Variants in TBC1D30 observed in about 807,000 individuals in gnomAD.
The protein encoded by TBC1D30 is TBC1 domain family member 30.
In TBC1D30, 31 loss-of-function variants were observed where a neutral mutation model predicts 63.2. That is an observed-to-expected ratio of 0.49 (90% CI 0.37 to 0.66). The LOEUF is 0.66. Ranked by LOEUF, TBC1D30 falls within the 30% of genes least tolerant of loss-of-function variation. The probability of loss-of-function intolerance (pLI) is 0.00; values close to 1 mark genes in which losing one functional copy is unlikely to be tolerated. For synonymous variants in TBC1D30, 307 were observed against 361.5 expected (o/e 0.85, Z 1.71); for missense variants, 810 against 953.6 (o/e 0.85, Z 1.98).
At chr12:64,850,665 A>G (rs960616361) in intron 8 of TBC1D30, among the ~76,000 whole-genome samples, 2 of 152,072 alleles carry the variant, frequency 1.3e-5, no homozygotes, top group Admixed American at 1.3e-4. Context: ...GTGCTGCTGG[A>G]TTTGGTTTGC....
chr12:64,829,473 G>C (rs1326359253), intron 3 of TBC1D30, among the ~76,000 whole-genome samples: 1 of 152,110 alleles, frequency 6.6e-6, no homozygotes, highest in Non-Finnish European at 1.5e-5. Context: ...TGTTTACTCA[G>C]ATGGGAGGAG....
At chr12:64,830,596 T>G in intron 4 of TBC1D30, 94 bp downstream of exon 4, 4 of 1,186,298 alleles carry the variant, frequency 3.4e-6, no homozygotes, top group East Asian at 2.7e-5. Context: ...GATCTCTACC[T>G]TCTGGTTTGA....
chr12:64,823,415 TTG>T (rs1228196467), upstream of TBC1D30, among the ~76,000 whole-genome samples: 1 of 152,212 alleles, frequency 6.6e-6, no homozygotes, highest in Non-Finnish European at 1.5e-5. Context: ...TTAGGTTGAT[TTG>T]TTTCCATTAA....
chr12:64,767,662 C>G (rs890211862), intron 1 of TBC1D30, among the ~76,000 whole-genome samples: 5 of 151,808 alleles, frequency 3.3e-5, no homozygotes, highest in African/African-American at 1.2e-4. Context: ...CTGACAAATC[C>G]AGACTGCCCA....
At position 64,876,265 on chromosome 12, in the gene TBC1D30, T is replaced by C. The variant is rs1281932621; in HGVS notation, c.*477T>C. 1 of 157,376 alleles carries C rather than the reference T, an allele frequency of 6.4e-6. No homozygotes were observed. Among genetic ancestry groups the C allele is most frequent in the Non-Finnish European group, 1.4e-5 (1 of 71,500 alleles). 9.7% of individuals were successfully genotyped at this position (157,376 alleles called of 1,614,324 possible). The stretch of plus-strand genomic sequence containing the variant: ...GTTACAAAAAACTTCCTGATTTTCC[T>C]TTTCATGCTTTACGGAGGGGATTGT... On this transcript the variant is annotated 3_prime_UTR_variant, in exon 12 of 12. Coordinates refer to ENST00000539867, the MANE Select transcript of TBC1D30 (RefSeq NM_015279.2).
intron 2 of TBC1D30, among the ~76,000 whole-genome samples, chr12:64,806,823 C>G (rs1872899596): frequency 6.6e-6 from 1 of 152,186 alleles, no homozygotes; most frequent in Non-Finnish European, 1.5e-5. Flanking sequence ...GTTACAGCAT[C>G]TACATACAGT....
intron 2 of TBC1D30, among the ~76,000 whole-genome samples, chr12:64,787,766 C>T (rs1239470385): frequency 6.6e-6 from 1 of 152,100 alleles, no homozygotes; most frequent in Non-Finnish European, 1.5e-5. Flanking sequence ...CCGGGCATGG[C>T]GGCTCACGCC....
At chr12:64,836,076 T>C (rs1179766528) in intron 5 of TBC1D30, among the ~76,000 whole-genome samples, 1 of 152,194 alleles carries the variant, frequency 6.6e-6, no homozygotes, top group Non-Finnish European at 1.5e-5. Flanking sequence ...TGTTTTATGA[T>C]AGGCCTGCTC....
In TBC1D30 at chr12:64,809,094, A is replaced by C. The variant is rs1211148755; in HGVS notation, c.644-18741A>C. On this transcript the variant is annotated intron_variant, in intron 2 of 12. Coordinates refer to the TBC1D30 transcript ENST00000542120. ...CAAAACTATACTTCTAATAACTGGAATTCTTTTTGTGAATTTTATTTAAAT... is the reference window on the plus strand; with the variant it reads ...CAAAACTATACTTCTAATAACTGGACTTCTTTTTGTGAATTTTATTTAAAT... Among the ~76,000 whole-genome samples the C allele has an allele frequency of 4.6e-5, 7 of 152,268 alleles. No individual in the cohort carries two copies. In the East Asian group the frequency reaches 1.3e-3, roughly 29 times the overall value.
chr12:64,786,584 A>G (rs1871598951), intron 2 of TBC1D30, among the ~76,000 whole-genome samples: 1 of 151,980 alleles, frequency 6.6e-6, no homozygotes, highest in Non-Finnish European at 1.5e-5. Context: ...CAGGTGATTC[A>G]CCCTTCTTGG....
chr12:64,853,054 G>A (rs1302032095), intron 8 of TBC1D30, among the ~76,000 whole-genome samples: 1 of 152,182 alleles, frequency 6.6e-6, no homozygotes, highest in Non-Finnish European at 1.5e-5. Flanking sequence ...GAGCCAGCAG[G>A]GAGGAACATT....
At chr12:64,873,671 T>G (rs1194970892) in intron 11 of TBC1D30, among the ~76,000 whole-genome samples, 1 of 152,150 alleles carries the variant, frequency 6.6e-6, no homozygotes, top group African/African-American at 2.4e-5. Flanking sequence ...GTATTAGAAT[T>G]AAATATTTTC....
At chr12:64,806,430 G>A (rs956869885) in intron 2 of TBC1D30, among the ~76,000 whole-genome samples, 3 of 152,160 alleles carry the variant, frequency 2.0e-5, no homozygotes, top group Non-Finnish European at 4.4e-5. Context: ...TTTTACAGAT[G>A]AGGAGATTGA....
At chr12:64,759,560 A>AG (rs1463361783) in exon 1 of TBC1D30, 1 of 365,628 alleles carries the variant, frequency 2.7e-6, no homozygotes, top group East Asian at 6.8e-5. Context: ...ACCGGAGAAA[A>AG]GGGCGGAGAA....
At chr12:64,792,440 C>T (rs1047234415) in intron 2 of TBC1D30, among the ~76,000 whole-genome samples, 1 of 152,186 alleles carries the variant, frequency 6.6e-6, no homozygotes, top group African/African-American at 2.4e-5. Context: ...TTAGATAAAA[C>T]CTTTCAGAAG....
chr12:64,779,651 CT>C (rs1871176916), upstream of TBC1D30, among the ~76,000 whole-genome samples: 2 of 152,236 alleles, frequency 1.3e-5, no homozygotes, highest in South Asian at 4.1e-4. Context: ...GTTGTTGCCC[CT>C]TTTGGAAGTG....
upstream of TBC1D30, among the ~76,000 whole-genome samples, chr12:64,823,042 AAAG>A (rs1873982554): frequency 6.6e-6 from 1 of 152,038 alleles, no homozygotes; most frequent in African/African-American, 2.4e-5. Context: ...ATTTTTTTGA[AAAG>A]AAAAAAAAAT....
At chr12:64,820,630 A>C (rs1339434577), upstream of TBC1D30, among the ~76,000 whole-genome samples, 1 of 152,244 alleles carries the variant, frequency 6.6e-6, no homozygotes, top group Non-Finnish European at 1.5e-5. Flanking sequence ...AAGCTTGATT[A>C]GTAAAGAATA....
Position 64,857,437 on chromosome 12 carries a change from T to C in TBC1D30, c.1039-7231T>C, listed in dbSNP as rs141984416. Among the ~76,000 whole-genome samples the C allele has an allele frequency of 5.2e-3, 798 of 152,278 alleles. 8 individuals carry two copies. Among genetic ancestry groups the C allele is most frequent in the Non-Finnish European group, 8.1e-3 (551 of 67,998 alleles). ...CATGACTCTGCCTGGTGCCCTATCC[T>C]GTTGTGGCTGAGCTGCTATCCAAGA... On this transcript the variant is annotated intron_variant, in intron 8 of 11. Coordinates refer to ENST00000539867, the MANE Select transcript of TBC1D30 (RefSeq NM_015279.2).
Sources: gnomAD v4.1 joint callset for allele counts (sites outside exome capture counted in the v4.1 genomes callset) on GRCh38, gnomAD v4.1.1 for gene constraint, MANE v1.5 for transcripts, NCBI Gene and HGNC (gene_info 2026-07-23, HGNC 2026-07-21) for gene names.